Variants in SNX30 observed in about 807,000 individuals in gnomAD.
SNX30 encodes the protein sorting nexin family member 30.
In SNX30, 24 loss-of-function variants were observed where a neutral mutation model predicts 46.4. The ratio of observed to expected loss-of-function variants is 0.52; its 90% CI spans 0.37 to 0.73. The LOEUF is 0.73. Among genes scored for constraint, SNX30 ranks in the 30% least tolerant of loss-of-function variants. SNX30 has a pLI of 0.00. For synonymous variants in SNX30, 189 were observed against 211.5 expected (o/e 0.89, Z 0.92); for missense variants, 533 against 555.7 (o/e 0.96, Z 0.41).
chr9:112,846,206 G>A (rs2131472346), intron 6 of SNX30, among the ~76,000 whole-genome samples: 1 of 152,276 alleles, frequency 6.6e-6, no homozygotes, highest in South Asian at 2.1e-4. Context: ...GAGAAACAGA[G>A]AAATGGGAAG....
At chr9:112,805,969 T>C (rs1347412335) in intron 2 of SNX30, among the ~76,000 whole-genome samples, 1 of 152,242 alleles carries the variant, frequency 6.6e-6, no homozygotes, top group East Asian at 1.9e-4. Context: ...AAAAGAATAA[T>C]TTTAATGTAT....
upstream of SNX30, chr9:112,750,711 G>C (rs1421053134): frequency 3.3e-5 from 5 of 151,350 alleles, no homozygotes; most frequent in Non-Finnish European, 7.4e-5. Context: ...CGGCGCCTCG[G>C]GGGCGGGGCC....
rs1332220076 is a variant in SNX30, at chr9:112,813,717, G to A, written c.349-3988G>A. ...TTGAACTCCTGACTTCAAGTGATCC[G>A]CCTGCCTCGGCCTCCCGAAGTGTTG... On this transcript the variant is annotated intron_variant, in intron 2 of 8. Transcript: ENST00000374232. Among the ~76,000 whole-genome samples, 5 of 150,996 alleles carry A rather than the reference G, an allele frequency of 3.3e-5. No homozygotes were observed. The South Asian group carries it at 1.0e-3, about 31-fold the overall frequency.
intron 8 of SNX30, among the ~76,000 whole-genome samples, chr9:112,865,071 TACACACACACC>T (rs1841300200): frequency 2.3e-5 from 1 of 44,362 alleles, no homozygotes; most frequent in Non-Finnish European, 4.1e-5. Context: ...CCCCCCACAC[TACACACACACC>T]ACACATACAC....
At chr9:112,752,688 C>T (rs1395518232) in intron 1 of SNX30, among the ~76,000 whole-genome samples, 2 of 152,284 alleles carry the variant, frequency 1.3e-5, no homozygotes, top group African/African-American at 4.8e-5. Flanking sequence ...GGGGGTTAAA[C>T]CTCATTTCCT....
At chr9:112,797,711 C>CTTTTTTTTTTTTTT (rs71384277) in intron 1 of SNX30, among the ~76,000 whole-genome samples, 14 of 121,338 alleles carry the variant, frequency 1.2e-4, no homozygotes, top group Non-Finnish European at 2.1e-4. Flanking sequence ...TTTTCTTTTT[C>CTTTTTTTTTTTTTT]TTTTTTTTTT....
In SNX30 at chr9:112,856,366, G is replaced by A. The variant is rs549585166; in HGVS notation, c.1101+5421G>A. On this transcript the variant is annotated intron_variant, in intron 7 of 8. Transcript: ENST00000374232. Reference sequence around the variant, plus strand: ...TGTGGTGTGTGTATGGGGAGGGCACGTGGCATGTAGGGAGGGCGTGTGGCG... The same window carrying A: ...TGTGGTGTGTGTATGGGGAGGGCACATGGCATGTAGGGAGGGCGTGTGGCG... Among the ~76,000 whole-genome samples the A allele has an allele frequency of 4.6e-5, 7 of 150,570 alleles. No homozygotes were observed. The South Asian group carries it at 1.3e-3, about 27-fold the overall frequency.
chr9:112,779,627 G>A (rs989512256), intron 1 of SNX30, among the ~76,000 whole-genome samples: 2 of 152,102 alleles, frequency 1.3e-5, no homozygotes, highest in African/African-American at 2.4e-5. Flanking sequence ...CCTGGGAGGC[G>A]GAGGTTGCAA....
rs1839778891 is a variant in SNX30, at chr9:112,778,116, A to T, written c.157-26660A>T. Among the ~76,000 whole-genome samples the T allele has an allele frequency of 2.0e-5, 3 of 152,248 alleles. 1 individual carries two copies. In the South Asian group the frequency reaches 6.2e-4, roughly 32 times the overall value. On this transcript the variant is annotated intron_variant, in intron 1 of 8. Coordinates refer to ENST00000374232, the MANE Select transcript of SNX30 (RefSeq NM_001012994.2). ...GTTGACTGGAGTGCCTATGTGTGACATCACCATGTGGCTTGGGCTACTCAA... is the reference window on the plus strand; with the variant it reads ...GTTGACTGGAGTGCCTATGTGTGACTTCACCATGTGGCTTGGGCTACTCAA...
Position 112,795,750 on chromosome 9 carries a change from ACACT to A in SNX30, c.157-9022_157-9019del, listed in dbSNP as rs1420894281. On this transcript the variant is annotated intron_variant, in intron 1 of 8. Coordinates refer to ENST00000374232, the MANE Select transcript of SNX30 (RefSeq NM_001012994.2). ...GAGACAGAAAGATAATCACACACAC[ACACT>A]CACAGTACAGTCACACACACACACA... is the stretch of plus-strand genomic sequence containing the variant. Among the ~76,000 whole-genome samples the A allele has an allele frequency of 1.0e-4, 13 of 126,668 alleles. No individual in the cohort carries two copies. In the South Asian group the frequency reaches 1.8e-3, roughly 18 times the overall value. 83.1% of individuals were successfully genotyped at this position (126,668 alleles called of 152,430 possible).
In SNX30 at chr9:112,864,329, A is replaced by G; in HGVS notation, c.1184A>G (p.Asn395Ser). Residue 395 changes from asparagine (N) to serine (S), a missense_variant, in exon 8 of 9, where the codon AAC becomes AGC. Around this residue, in one of 3 missense-constraint regions of SNX30, gnomAD observed 261 missense variants for 270.9 expected, o/e 0.96. Coordinates refer to ENST00000374232, the MANE Select transcript of SNX30 (RefSeq NM_001012994.2). ...AAAGCTGACATGGAGAGGTGGCAGA[A>G]CAACAAGAGGCAGGACTTCCGGCAG... Reference protein sequence around the residue: ...DLKADMERWQNNKRQDFRQLL... With the variant: ...DLKADMERWQSNKRQDFRQLL... 1 of 1,614,232 alleles carries G rather than the reference A, an allele frequency of 6.2e-7. No individual in the cohort carries two copies. The highest frequency in any genetic ancestry group is 8.5e-7 in the Non-Finnish European group (1 of 1,180,044).
At chr9:112,856,204 T>C (rs984485676) in intron 7 of SNX30, among the ~76,000 whole-genome samples, 1 of 152,032 alleles carries the variant, frequency 6.6e-6, no homozygotes, top group African/African-American at 2.4e-5. Flanking sequence ...ACGGGTAGCC[T>C]CATCCTGGGT....
At chr9:112,885,440 G>GTATATATATATATATATATATGTGTATA (rs10664207), downstream of SNX30, 6 of 147,496 alleles carry the variant, frequency 4.1e-5, no homozygotes, top group East Asian at 2.0e-4. Flanking sequence ...ATATATATGT[G>GTATATATATATATATATATATGTGTATA]TATATATATA....
At chr9:112,821,213 C>T (rs1840487710) in intron 3 of SNX30, among the ~76,000 whole-genome samples, 2 of 152,188 alleles carry the variant, frequency 1.3e-5, no homozygotes, top group African/African-American at 2.4e-5. Flanking sequence ...TGTAGCCATT[C>T]TACTGGATGT....
intron 2 of SNX30, among the ~76,000 whole-genome samples, chr9:112,814,512 AT>A (rs1340137716): frequency 2.0e-5 from 3 of 152,174 alleles, no homozygotes; most frequent in Non-Finnish European, 4.4e-5. Context: ...AAGTGCTAAG[AT>A]TATAGGCATG....
At chr9:112,863,591 T>G (rs1224023483) in intron 7 of SNX30, among the ~76,000 whole-genome samples, 1 of 152,188 alleles carries the variant, frequency 6.6e-6, no homozygotes, top group Non-Finnish European at 1.5e-5. Flanking sequence ...AATTTCAAAT[T>G]TTTTTGACAT....
intron 7 of SNX30, among the ~76,000 whole-genome samples, chr9:112,859,090 C>T (rs1457915603): frequency 6.6e-6 from 1 of 152,112 alleles, no homozygotes; most frequent in Non-Finnish European, 1.5e-5. Context: ...ACTCTCCATT[C>T]CCCCTCCTGC....
intron 1 of SNX30, 97 bp from the exon 2 acceptor site, chr9:112,804,679 T>G (rs1326956261): frequency 3.5e-6 from 4 of 1,134,966 alleles, no homozygotes; most frequent in Non-Finnish European, 4.9e-6. Context: ...ATTTTTGGGT[T>G]TTAGAAATGT....
At chr9:112,843,552 T>G (rs1409904851) in intron 6 of SNX30, among the ~76,000 whole-genome samples, 1 of 147,314 alleles carries the variant, frequency 6.8e-6, no homozygotes, top group Non-Finnish European at 1.5e-5. Context: ...GGCTGGGGAG[T>G]GGAACCTGGT....
Sources: gnomAD v4.1 joint callset for allele counts (sites outside exome capture counted in the v4.1 genomes callset) on GRCh38, gnomAD v4.1.1 for gene constraint, gnomAD v4.1.1 regional missense constraint, MANE v1.5 for transcripts, NCBI Gene and HGNC (gene_info 2026-07-23, HGNC 2026-07-21) for gene names.